Variants in NRXN3 observed in about 807,000 individuals in gnomAD.
NRXN3 encodes neurexin 3.
A neutral mutation model predicts 137.6 loss-of-function variants in NRXN3; 32 were observed. The ratio of observed to expected loss-of-function variants is 0.23; its 90% CI spans 0.18 to 0.31. The LOEUF is 0.31. NRXN3 is among the 10% of genes least tolerant of loss of function. NRXN3 has a pLI of 1.00. For synonymous variants in NRXN3, 798 were observed against 784.5 expected (o/e 1.02, Z -0.29); for missense variants, 1,574 against 2,062.5 (o/e 0.76, Z 4.59).
chr14:78,583,713 A>G (rs1057486572), intron 4 of NRXN3, among the ~76,000 whole-genome samples: 7 of 152,192 alleles, frequency 4.6e-5, no homozygotes, highest in African/African-American at 1.4e-4. Flanking sequence ...TTGCTGGACT[A>G]TGATGTGCAC....
At chr14:78,826,137 C>T (rs1179403764) in intron 10 of NRXN3, among the ~76,000 whole-genome samples, 1 of 152,206 alleles carries the variant, frequency 6.6e-6, no homozygotes, top group East Asian at 1.9e-4. Flanking sequence ...ATGGAGGATA[C>T]AGGACCATTT....
chr14:78,754,198 G>GT (rs2098656824), intron 8 of NRXN3, among the ~76,000 whole-genome samples: 1 of 152,180 alleles, frequency 6.6e-6, no homozygotes, highest in Non-Finnish European at 1.5e-5. Flanking sequence ...TCTGAGTTGG[G>GT]TTTTGGTTTG....
intron 8 of NRXN3, among the ~76,000 whole-genome samples, chr14:78,768,437 TA>T (rs1184468431): frequency 6.6e-6 from 1 of 152,190 alleles, no homozygotes; most frequent in African/African-American, 2.4e-5. Context: ...TTTGTTTTAA[TA>T]GGGGTCCTTA....
At chr14:79,435,731 C>T (rs1322359719) in intron 15 of NRXN3, among the ~76,000 whole-genome samples, 2 of 152,040 alleles carry the variant, frequency 1.3e-5, no homozygotes, top group Non-Finnish European at 1.5e-5. Context: ...ATCTCCTGAG[C>T]TCAGGCTATC....
At chr14:78,726,817 C>A (rs1466202654) in intron 8 of NRXN3, among the ~76,000 whole-genome samples, 1 of 152,012 alleles carries the variant, frequency 6.6e-6, no homozygotes, top group East Asian at 1.9e-4. Flanking sequence ...TCACACCTGG[C>A]CTCATTTTAG....
At chr14:78,818,658 G>T (rs2098941758) in intron 10 of NRXN3, among the ~76,000 whole-genome samples, 1 of 152,142 alleles carries the variant, frequency 6.6e-6, no homozygotes, top group Non-Finnish European at 1.5e-5. Flanking sequence ...TGTAAATATT[G>T]CATGTTGTCA....
At chr14:79,845,979 TGAA>T (rs1444605470) in intron 20 of NRXN3, among the ~76,000 whole-genome samples, 1 of 151,860 alleles carries the variant, frequency 6.6e-6, no homozygotes, top group Non-Finnish European at 1.5e-5. Context: ...GGCAGGTTGG[TGAA>T]GAAGAACACA....
At chr14:79,118,021 A>G (rs999961512) in intron 15 of NRXN3, among the ~76,000 whole-genome samples, 2 of 152,228 alleles carry the variant, frequency 1.3e-5, no homozygotes, top group Admixed American at 1.3e-4. Flanking sequence ...AAAGAGGCAG[A>G]ACCATTTCAA....
chr14:79,243,725 T>G (rs1255112416), intron 15 of NRXN3, among the ~76,000 whole-genome samples: 3 of 152,104 alleles, frequency 2.0e-5, no homozygotes, highest in Non-Finnish European at 2.9e-5. Flanking sequence ...TGTAACACAA[T>G]GGTAAGTTTT....
At chr14:79,819,215 T>C (rs2099262909) in intron 20 of NRXN3, among the ~76,000 whole-genome samples, 1 of 152,192 alleles carries the variant, frequency 6.6e-6, no homozygotes, top group African/African-American at 2.4e-5. Flanking sequence ...GCTCTTATAA[T>C]GACACATAGC....
chr14:78,679,714 G>A (rs1251082675), intron 6 of NRXN3, among the ~76,000 whole-genome samples: 1 of 152,164 alleles, frequency 6.6e-6, no homozygotes, highest in Non-Finnish European at 1.5e-5. Flanking sequence ...TGGAAACGTT[G>A]AGATCATTGA....
At chr14:79,737,567 A>T (rs1243736677) in intron 19 of NRXN3, among the ~76,000 whole-genome samples, 2 of 152,130 alleles carry the variant, frequency 1.3e-5, no homozygotes, top group African/African-American at 4.8e-5. Flanking sequence ...ATTTTATTTT[A>T]ACAGTTTTCT....
At chr14:78,628,071 CTTTTTTTTT>C (rs58835983) in intron 4 of NRXN3, among the ~76,000 whole-genome samples, 1 of 134,056 alleles carries the variant, frequency 7.5e-6, no homozygotes, top group Non-Finnish European at 1.6e-5. Context: ...TTGCAGAGTT[CTTTTTTTTT>C]TTTTTTTTAA....
chr14:78,976,835 A>G (rs532497466), intron 14 of NRXN3, among the ~76,000 whole-genome samples: 1 of 152,236 alleles, frequency 6.6e-6, no homozygotes, highest in South Asian at 2.1e-4. Context: ...CACCCAACTT[A>G]AGTGGGAGGA....
At chr14:79,740,892 A>G (rs927056547) in intron 19 of NRXN3, among the ~76,000 whole-genome samples, 1 of 150,688 alleles carries the variant, frequency 6.6e-6, no homozygotes, top group African/African-American at 2.4e-5. Flanking sequence ...CCCAGCTTAA[A>G]TGTCACCTCA....
intron 15 of NRXN3, among the ~76,000 whole-genome samples, chr14:79,200,785 T>G (rs182322901): frequency 6.6e-6 from 1 of 152,020 alleles, no homozygotes; most frequent in African/African-American, 2.4e-5. Context: ...GAGTTCTTTT[T>G]TAAATCACTA....
At chr14:79,634,386 G>A (rs192250948) in intron 16 of NRXN3, among the ~76,000 whole-genome samples, 1 of 152,114 alleles carries the variant, frequency 6.6e-6, no homozygotes, top group Non-Finnish European at 1.5e-5. Flanking sequence ...GTTACGTATG[G>A]AAAAAGCCTC....
chr14:79,504,546 A>T (rs914946231), intron 16 of NRXN3, among the ~76,000 whole-genome samples: 22 of 150,502 alleles, frequency 1.5e-4, no homozygotes, highest in Non-Finnish European at 4.4e-5. Flanking sequence ...TAGATTTGGG[A>T]CACTGTAATA....
rs184555732 is a variant in NRXN3 at position 78,241,794 on chromosome 14, C to T, written c.-703-597C>T. 2.0e-3 allele frequency among the ~76,000 whole-genome samples: 301 copies of T among 152,044 alleles called. 5 individuals are homozygous for T. Among genetic ancestry groups the T allele is most frequent in the African/African-American group, 6.8e-3 (280 of 41,470 alleles). On this transcript the variant is annotated intron_variant, in intron 1 of 20. Coordinates refer to ENST00000335750, the MANE Select transcript of NRXN3 (RefSeq NM_001330195.2). ...ACATACAGGAGCTAGGATTCAAACT[C>T]AGCCTTTTTTTTTTAGAAGGAATAA... is the stretch of plus-strand genomic sequence containing the variant.
Sources: allele counts gnomAD v4.1 joint callset (sites outside exome capture counted in the v4.1 genomes callset), GRCh38; gene constraint gnomAD v4.1.1; transcripts MANE v1.5; gene names NCBI Gene and HGNC (gene_info 2026-07-23, HGNC 2026-07-21).